The following DMD variants were observed in gnomAD, a reference collection of about 807,000 sequenced individuals.
The protein encoded by DMD is dystrophin, also known as mutant dystrophin.
A neutral mutation model predicts 330.1 loss-of-function variants in DMD; 63 were observed. That is an observed-to-expected ratio of 0.19 (90% CI 0.16 to 0.24). DMD has a LOEUF of 0.24. DMD is among the 10% of genes least tolerant of loss of function. DMD has a pLI of 1.00. For missense variants in DMD, 3,344 were observed against 2,684.1 expected (o/e 1.25, Z -5.43); for synonymous variants, 1,223 against 959.8 (o/e 1.27, Z -5.07).
At chrX:32,106,920 T>A (rs2096566467) in intron 44 of DMD, among the ~76,000 whole-genome samples, 1 of 112,116 alleles carries the variant, frequency 8.9e-6, no homozygotes, top group Admixed American at 9.5e-5. Context: ...ACATGTACTT[T>A]TACACCAAGT....
intron 1 of DMD, among the ~76,000 whole-genome samples, chrX:33,299,113 T>A (rs1043347188): frequency 8.0e-5 from 9 of 112,356 alleles, no homozygotes; most frequent in African/African-American, 2.9e-4. Flanking sequence ...TTATTTTAAA[T>A]GTAATTAAAT....
At chrX:32,153,631 A>ACTAT (rs1370827516) in intron 44 of DMD, among the ~76,000 whole-genome samples, 1 of 112,188 alleles carries the variant, frequency 8.9e-6, no homozygotes, top group African/African-American at 3.2e-5. Context: ...CACAACCAAG[A>ACTAT]CTATCCTAAG....
intron 25 of DMD, among the ~76,000 whole-genome samples, chrX:32,457,239 C>T: frequency 9.1e-6 from 1 of 110,396 alleles, no homozygotes; most frequent in Non-Finnish European, 1.9e-5. Flanking sequence ...TCACTGATGA[C>T]CCTGACAAAA....
intron 7 of DMD, among the ~76,000 whole-genome samples, chrX:32,730,283 C>G (rs984192839): frequency 8.9e-6 from 1 of 112,268 alleles, no homozygotes; most frequent in Non-Finnish European, 1.9e-5. Context: ...AGTTGGAGGC[C>G]TGTGGTAAGC....
At chrX:31,773,724 CTTTTTTTTTT>C (rs762551529) in intron 51 of DMD, among the ~76,000 whole-genome samples, 1 of 53,557 alleles carries the variant, frequency 1.9e-5, no homozygotes, top group Non-Finnish European at 3.4e-5. Context: ...AAGGTTTCTG[CTTTTTTTTTT>C]TTTTTTTTTT....
At chrX:32,104,679 C>T (rs773429059) in intron 44 of DMD, among the ~76,000 whole-genome samples, 23 of 111,763 alleles carry the variant, frequency 2.1e-4, no homozygotes, top group African/African-American at 6.8e-4. Context: ...TACTTTGAAA[C>T]GTGTGAATGT....
intron 55 of DMD, among the ~76,000 whole-genome samples, chrX:31,587,132 T>C (rs1255824932): frequency 8.9e-6 from 1 of 111,874 alleles, no homozygotes; most frequent in East Asian, 2.8e-4. Flanking sequence ...GGAATAATTG[T>C]ATAGGCTCCT....
intron 49 of DMD, among the ~76,000 whole-genome samples, chrX:31,826,753 T>C (rs1440021793): frequency 8.9e-6 from 1 of 112,229 alleles, no homozygotes; most frequent in African/African-American, 3.2e-5. Flanking sequence ...AAATAGCGTA[T>C]CAGTGGGATA....
intron 44 of DMD, among the ~76,000 whole-genome samples, chrX:32,080,855 C>T (rs773326078): frequency 8.9e-6 from 1 of 112,151 alleles, no homozygotes; most frequent in East Asian, 2.8e-4. Context: ...GTAAGGCTCA[C>T]TGTTCTCAGG....
chrX:32,801,337 C>G (rs1478612058), intron 7 of DMD, among the ~76,000 whole-genome samples: 4 of 111,581 alleles, frequency 3.6e-5, no homozygotes, highest in Non-Finnish European at 5.6e-5. Flanking sequence ...TGAGAAGGGT[C>G]TGTTCATACC....
intron 18 of DMD, among the ~76,000 whole-genome samples, chrX:32,513,578 T>C (rs1268785668): frequency 8.9e-6 from 1 of 111,963 alleles, no homozygotes; most frequent in Non-Finnish European, 1.9e-5. Context: ...GGTGACCCAG[T>C]TCACTTTCAG....
intron 7 of DMD, among the ~76,000 whole-genome samples, chrX:32,723,267 T>C (rs572090946): frequency 6.5e-4 from 72 of 111,611 alleles, no homozygotes; most frequent in African/African-American, 2.2e-3. Context: ...CCTTGTGTCC[T>C]AGGGCTAAAC....
At chrX:32,460,544 AAATC>A (rs2098379856) in intron 25 of DMD, among the ~76,000 whole-genome samples, 1 of 111,303 alleles carries the variant, frequency 9.0e-6, no homozygotes. Flanking sequence ...CATAATGACT[AAATC>A]ATCACTGTGG....
At chrX:32,702,111 G>C (rs1342621476) in intron 7 of DMD, among the ~76,000 whole-genome samples, 2 of 111,756 alleles carry the variant, frequency 1.8e-5, no homozygotes, top group Middle Eastern at 4.2e-3. Flanking sequence ...TATTTTAATG[G>C]ATTATCCAGG....
At chrX:32,141,280 A>AAAC (rs1569546553) in intron 44 of DMD, among the ~76,000 whole-genome samples, 1 of 107,927 alleles carries the variant, frequency 9.3e-6, no homozygotes, top group African/African-American at 3.4e-5. Flanking sequence ...ACAAAAAAAA[A>AAAC]AAACAAATAG....
In DMD at chrX:33,029,759, T is replaced by C. The variant is rs185909021; in HGVS notation, c.32-9559A>G. On this transcript the variant is annotated intron_variant, in intron 1 of 78. Coordinates refer to ENST00000357033, the MANE Select transcript of DMD (RefSeq NM_004006.3). ...TTGTGAAGAATTAATCGAAGTTGCA[T>C]GAAGTAGGACATAATGACAATGAGA... 2.2e-3 allele frequency among the ~76,000 whole-genome samples: 250 copies of C among 112,154 alleles called. 1 individual carries two copies. The highest frequency in any genetic ancestry group is 7.6e-3 in the African/African-American group (236 of 30,921).
rs759338326 is a variant in DMD at position 32,383,231 on chromosome X, T to C, written c.4675-2551A>G. On this transcript the variant is annotated intron_variant, in intron 33 of 78. Transcript: ENST00000357033. The stretch of plus-strand genomic sequence containing the variant: ...AATGAAATGGATCAGCACCTTGATC[T>C]TGCACTCCCAGACTCCACACTTGCA... Among the ~76,000 whole-genome samples the C allele has an allele frequency of 7.2e-5, 8 of 110,758 alleles. No homozygotes were observed. In the South Asian group the frequency reaches 1.5e-3, roughly 21 times the overall value.
chrX:32,408,100 G>A (rs1366028463), intron 30 of DMD, among the ~76,000 whole-genome samples: 2 of 110,380 alleles, frequency 1.8e-5, no homozygotes, highest in African/African-American at 6.6e-5. Context: ...TTGTGCACAT[G>A]TACCCTAAAA....
rs758352352 is a variant in DMD, at chrX:32,548,974, C to A, written c.1993-3640G>T. ...TTGTATCTAGCTAACTATACTTTTA[C>A]CCAGTCACCTTTCTTCATTTTGATT... On this transcript the variant is annotated intron_variant, in intron 16 of 78. Transcript: ENST00000357033. Among the ~76,000 whole-genome samples, 129 of 111,729 alleles carry A rather than the reference C, an allele frequency of 1.2e-3. 1 individual carries two copies. Among genetic ancestry groups the A allele is most frequent in the African/African-American group, 3.9e-3 (119 of 30,892 alleles).
Sources: gnomAD v4.1 joint callset for allele counts (sites outside exome capture counted in the v4.1 genomes callset) on GRCh38, gnomAD v4.1.1 for gene constraint, MANE v1.5 for transcripts, NCBI Gene and HGNC (gene_info 2026-07-23, HGNC 2026-07-21) for gene names.